PSD3: variants seen among roughly 807,000 people sequenced by gnomAD.
The protein encoded by PSD3 is PH and SEC7 domain-containing protein 3.
Under a neutral mutation model 105.5 loss-of-function variants are expected in PSD3, and 49 were observed. The observed-to-expected ratio is 0.46, with a 90% confidence interval of 0.37 to 0.59. PSD3 has a LOEUF of 0.59. Ranked by LOEUF, PSD3 falls within the 20% of genes least tolerant of loss-of-function variation. The probability of loss-of-function intolerance (pLI) is 0.00; values close to 1 mark genes in which losing one functional copy is unlikely to be tolerated. For missense variants in PSD3, 1,561 were observed against 1,263.8 expected, an observed-to-expected ratio of 1.24 and a Z score of -3.57; for synonymous variants, 557 against 457.8, an observed-to-expected ratio of 1.22 and a Z score of -2.77.
At chr8:18,600,310 C>T (rs1181942053) in intron 12 of PSD3, 54 bp downstream of exon 12, 105 of 1,453,382 alleles carry the variant, frequency 7.2e-5, no homozygotes, top group Non-Finnish European at 9.9e-5. Flanking sequence ...TATACTGGAC[C>T]TCATGTAATT....
chr8:18,650,477 G>A (rs1034089160), intron 10 of PSD3, among the ~76,000 whole-genome samples: 1 of 152,218 alleles, frequency 6.6e-6, no homozygotes, highest in African/African-American at 2.4e-5. Context: ...AACTTGGAAA[G>A]GCAAATGGTC....
intron 1 of PSD3, chr8:19,000,017 C>T (rs576213444): frequency 6.6e-6 from 1 of 150,450 alleles, no homozygotes; most frequent in African/African-American, 2.4e-5. Flanking sequence ...ACTTTCTTTC[C>T]CAAGCAGGAC....
intron 4 of PSD3, among the ~76,000 whole-genome samples, chr8:18,807,953 T>C (rs532582990): frequency 1.3e-5 from 2 of 152,192 alleles, no homozygotes; most frequent in South Asian, 4.1e-4. Context: ...ATGTAAACAT[T>C]TTTTTAAAAA....
At chr8:18,754,766 A>G (rs1450985026) in intron 9 of PSD3, among the ~76,000 whole-genome samples, 1 of 152,126 alleles carries the variant, frequency 6.6e-6, no homozygotes, top group Non-Finnish European at 1.5e-5. Flanking sequence ...AGTCATTTTA[A>G]AAAAAGATTG....
rs189960889 is a variant in PSD3 at position 18,815,093 on chromosome 8, A to T, written c.1635-10195T>A. 5.3e-3 allele frequency among the ~76,000 whole-genome samples: 800 copies of T among 152,296 alleles called. 7 individuals are homozygous for T. Among genetic ancestry groups the T allele is most frequent in the Non-Finnish European group, 7.7e-3 (525 of 68,022 alleles). On this transcript the variant is annotated intron_variant, in intron 4 of 15. Transcript: ENST00000327040. ...ATAAATATGAATTTAGTTTGATCAA[A>T]TACTCTCCTTTCTTGATTAGGTAAT...
At chr8:18,879,016 T>C (rs1817912057) in intron 2 of PSD3, among the ~76,000 whole-genome samples, 1 of 149,232 alleles carries the variant, frequency 6.7e-6, no homozygotes, top group African/African-American at 2.5e-5. Flanking sequence ...TCAACTGCCC[T>C]CTGGAAAAAA....
chr8:18,812,270 C>T (rs749412749), intron 4 of PSD3, among the ~76,000 whole-genome samples: 1 of 152,158 alleles, frequency 6.6e-6, no homozygotes, highest in Non-Finnish European at 1.5e-5. Context: ...CTGAGAAACA[C>T]CTGTGAGCTC....
At chr8:18,785,432 C>A (rs1809045903) in intron 8 of PSD3, among the ~76,000 whole-genome samples, 1 of 152,116 alleles carries the variant, frequency 6.6e-6, no homozygotes, top group Admixed American at 6.6e-5. Context: ...GCTTCCTCAC[C>A]TCTCTCGACC....
intron 2 of PSD3, among the ~76,000 whole-genome samples, chr8:18,890,719 C>T (rs1191496420): frequency 6.6e-6 from 1 of 151,206 alleles, no homozygotes; most frequent in Non-Finnish European, 1.5e-5. Flanking sequence ...CACAGATGAA[C>T]AAAGTAGCTA....
chr8:18,809,362 A>G (rs895139356), intron 4 of PSD3, among the ~76,000 whole-genome samples: 2 of 152,204 alleles, frequency 1.3e-5, no homozygotes, highest in African/African-American at 4.8e-5. Flanking sequence ...ACCTCCAAGT[A>G]AACATGGTAA....
intron 9 of PSD3, among the ~76,000 whole-genome samples, chr8:18,682,392 A>G (rs1800438524): frequency 6.6e-6 from 1 of 152,242 alleles, no homozygotes; most frequent in Admixed American, 6.5e-5. Context: ...CATTTATTTA[A>G]GAATATGATA....
intron 4 of PSD3, among the ~76,000 whole-genome samples, chr8:18,813,191 C>A (rs1811853946): frequency 6.6e-6 from 1 of 152,076 alleles, no homozygotes; most frequent in South Asian, 2.1e-4. Context: ...ACAAGACTAA[C>A]CCTGACTTAA....
chr8:18,604,003 T>C (rs1243073926), intron 11 of PSD3, among the ~76,000 whole-genome samples: 9 of 152,184 alleles, frequency 5.9e-5, no homozygotes, highest in East Asian at 1.9e-4. Flanking sequence ...AGTATGAAAA[T>C]GGACCAATAC....
chr8:18,822,756 G>C (rs1296273275), intron 4 of PSD3, among the ~76,000 whole-genome samples: 1 of 152,148 alleles, frequency 6.6e-6, no homozygotes, highest in Non-Finnish European at 1.5e-5. Context: ...ATTTCAGAAT[G>C]AAATTCACCA....
chr8:18,989,773 A>G (rs925503013), intron 1 of PSD3, among the ~76,000 whole-genome samples: 9 of 152,202 alleles, frequency 5.9e-5, no homozygotes, highest in African/African-American at 2.2e-4. Context: ...GTTTGGATCA[A>G]CTTCCCACCT....
At chr8:19,083,974 T>C (rs1829726629) in intron 1 of PSD3, among the ~76,000 whole-genome samples, 1 of 152,126 alleles carries the variant, frequency 6.6e-6, no homozygotes, top group Admixed American at 6.5e-5. Flanking sequence ...TCTTGGGAAA[T>C]AGTTAATCCT....
chr8:19,034,607 G>A (rs767697285), intron 1 of PSD3, among the ~76,000 whole-genome samples: 7 of 152,194 alleles, frequency 4.6e-5, no homozygotes, highest in Non-Finnish European at 8.8e-5. Context: ...GCTTTACTGG[G>A]TGTGTTATTT....
chr8:18,675,644 A>C (rs184647529), intron 9 of PSD3, among the ~76,000 whole-genome samples: 1 of 152,328 alleles, frequency 6.6e-6, no homozygotes, highest in African/African-American at 2.4e-5. Flanking sequence ...ATATCAGGTG[A>C]TCTACGTGTC....
intron 15 of PSD3, among the ~76,000 whole-genome samples, chr8:18,548,193 T>G (rs1800561696): frequency 6.6e-6 from 1 of 152,154 alleles, no homozygotes; most frequent in African/African-American, 2.4e-5. Context: ...CTTTTGTTCT[T>G]GTATTGTTTC....
Sources: gnomAD v4.1 joint callset for allele counts (sites outside exome capture counted in the v4.1 genomes callset) on GRCh38, gnomAD v4.1.1 for gene constraint, MANE v1.5 for transcripts, NCBI Gene and HGNC (gene_info 2026-07-23, HGNC 2026-07-21) for gene names.